The following MAN2A1 variants were observed in gnomAD, a reference collection of about 807,000 sequenced individuals.
MAN2A1 encodes the protein mannosidase alpha class 2A member 1, also known as alpha-mannosidase 2.
Under a neutral mutation model 142.6 loss-of-function variants are expected in MAN2A1, and 76 were observed. That is an observed-to-expected ratio of 0.53 (90% CI 0.44 to 0.65). The LOEUF (loss-of-function observed/expected upper bound fraction) is 0.65. Among genes scored for constraint, MAN2A1 ranks in the 30% least tolerant of loss-of-function variants. MAN2A1 has a pLI of 0.00. For missense variants in MAN2A1, 1,311 were observed against 1,365.1 expected, an observed-to-expected ratio of 0.96 and a Z score of 0.62; for synonymous variants, 559 against 473.2, an observed-to-expected ratio of 1.18 and a Z score of -2.35.
At chr5:109,860,309 A>T (rs1755723283) in intron 20 of MAN2A1, among the ~76,000 whole-genome samples, 1 of 152,194 alleles carries the variant, frequency 6.6e-6, no homozygotes, top group Non-Finnish European at 1.5e-5. Flanking sequence ...GGACATTTTA[A>T]TGAGCACCCT....
At chr5:109,785,321 T>C (rs138913381) in intron 10 of MAN2A1, among the ~76,000 whole-genome samples, 254 of 152,144 alleles carry the variant, frequency 1.7e-3, no homozygotes, top group Admixed American at 2.8e-3. Context: ...AATCTCATCC[T>C]ATTTCATATC....
intron 3 of MAN2A1, among the ~76,000 whole-genome samples, chr5:109,727,804 G>A (rs1561480813): frequency 6.6e-6 from 1 of 152,108 alleles, no homozygotes; most frequent in Non-Finnish European, 1.5e-5. Context: ...GGACTTTCTG[G>A]GCTATTCCCT....
chr5:109,748,371 T>C (rs1479578063), intron 4 of MAN2A1, among the ~76,000 whole-genome samples: 1 of 151,938 alleles, frequency 6.6e-6, no homozygotes, highest in Non-Finnish European at 1.5e-5. Flanking sequence ...GAGCCAGTTA[T>C]TTCTGAAATA....
At chr5:109,777,583 C>G (rs1402731172) in intron 8 of MAN2A1, among the ~76,000 whole-genome samples, 1 of 151,952 alleles carries the variant, frequency 6.6e-6, no homozygotes, top group Admixed American at 6.6e-5. Flanking sequence ...TCAAATATAA[C>G]TATTTTTCTT....
At chr5:109,746,406 A>G in intron 4 of MAN2A1, among the ~76,000 whole-genome samples, 1 of 152,166 alleles carries the variant, frequency 6.6e-6, no homozygotes, top group East Asian at 1.9e-4. Flanking sequence ...AAAGTAAGGT[A>G]CTCAGCCACT....
chr5:109,848,043 TA>T (rs1391376239), intron 19 of MAN2A1, among the ~76,000 whole-genome samples: 2 of 152,172 alleles, frequency 1.3e-5, no homozygotes, highest in Admixed American at 6.6e-5. Context: ...TCACTTTGGG[TA>T]AATATTCCTG....
rs562999969 is a variant in MAN2A1 at position 109,763,595 on chromosome 5, T to C, written c.836-3940T>C. Reference sequence around the variant, plus strand: ...CAGGTTAGTTACATATGTATACATGTGCCATGCTGGTGTGCTGCACCCATG... The same window carrying C: ...CAGGTTAGTTACATATGTATACATGCGCCATGCTGGTGTGCTGCACCCATG... On this transcript the variant is annotated intron_variant, in intron 5 of 21. Coordinates refer to ENST00000261483, the MANE Select transcript of MAN2A1 (RefSeq NM_002372.4). Among the ~76,000 whole-genome samples the C allele has an allele frequency of 5.1e-4, 77 of 152,164 alleles. No homozygotes were observed. The Middle Eastern group carries it at 0.01, about 20-fold the overall frequency.
chr5:109,743,212 A>G (rs17162129), intron 4 of MAN2A1, among the ~76,000 whole-genome samples: 8,286 of 152,008 alleles, frequency 0.055, 232 homozygotes, highest in Non-Finnish European at 0.065. Context: ...TACTTCCCCA[A>G]TGTTCCTGTT....
intron 4 of MAN2A1, among the ~76,000 whole-genome samples, chr5:109,742,708 T>TA (rs1431481989): frequency 3.3e-5 from 5 of 152,226 alleles, no homozygotes; most frequent in South Asian, 2.1e-4. Flanking sequence ...AATGGGAAGT[T>TA]ACAGTGTGTC....
chr5:109,849,413 A>G (rs1280568629), intron 19 of MAN2A1, among the ~76,000 whole-genome samples: 1 of 151,974 alleles, frequency 6.6e-6, no homozygotes, highest in Non-Finnish European at 1.5e-5. Flanking sequence ...TTCTCTCCCA[A>G]ACCTGGCCCA....
intron 15 of MAN2A1, among the ~76,000 whole-genome samples, chr5:109,822,365 C>T (rs906854122): frequency 6.6e-6 from 1 of 151,794 alleles, no homozygotes; most frequent in South Asian, 2.1e-4. Context: ...GAATTTCATG[C>T]GTAGATACCA....
chr5:109,725,637 G>A (rs558572827), intron 3 of MAN2A1, among the ~76,000 whole-genome samples: 1 of 152,264 alleles, frequency 6.6e-6, no homozygotes, highest in South Asian at 2.1e-4. Flanking sequence ...AGAATAGGGA[G>A]GTCCTTCTAG....
In MAN2A1 at chr5:109,804,354, A is replaced by T. The variant is rs558021261; in HGVS notation, c.1944-12919A>T. 6.8e-6 allele frequency: 6 copies of T among 888,218 alleles called. 1 individual carries two copies. The South Asian group carries it at 3.1e-4, about 46-fold the overall frequency. The allele number at this position is 888,218 out of a possible 1,614,324, so 55.0% of individuals were successfully genotyped here. On this transcript the variant is annotated intron_variant, in intron 12 of 21. Transcript: ENST00000261483. ...TTCAGAGAGTAGCGCTTTTTTTAAA[A>T]TTTTTATTTTTTTTAGGCAAGACAA...
chr5:109,716,119 G>A lies in MAN2A1; in HGVS notation c.391-1G>A. ...TAATTTTTTTTCTTTTACATTTTTA[G>A]ATGTTGGATGTTTACAGTCTAATTT... On this transcript the variant is annotated splice_acceptor_variant, in intron 2 of 21. Coordinates refer to ENST00000261483, the MANE Select transcript of MAN2A1 (RefSeq NM_002372.4). LOFTEE classifies it high-confidence loss of function. The A allele has an allele frequency of 6.3e-7, 1 of 1,581,738 alleles. No individual in the cohort carries two copies. Among genetic ancestry groups the A allele is most frequent in the Non-Finnish European group, 8.6e-7 (1 of 1,165,952 alleles).
In MAN2A1 at chr5:109,828,774, C is replaced by G. The variant is rs146893355; in HGVS notation, c.2566+4937C>G. Among the ~76,000 whole-genome samples the G allele has an allele frequency of 5.0e-3, 766 of 152,272 alleles. 8 individuals are homozygous for G. The highest frequency in any genetic ancestry group is 0.017 in the African/African-American group (726 of 41,532). On this transcript the variant is annotated intron_variant, in intron 16 of 21. Transcript: ENST00000261483. ...AAAGTATTATATGTAATGGATCTTACTCAAAGAAAACAAGCAGCCTGGAGG... is the reference window on the plus strand; with the variant it reads ...AAAGTATTATATGTAATGGATCTTAGTCAAAGAAAACAAGCAGCCTGGAGG...
chr5:109,726,895 G>T (rs1176069305), intron 3 of MAN2A1, among the ~76,000 whole-genome samples: 1 of 152,000 alleles, frequency 6.6e-6, no homozygotes, highest in Admixed American at 6.6e-5. Context: ...TTTAAATTTA[G>T]GTAAAAGATA....
At chr5:109,731,362 T>TTTA (rs748444692) in intron 4 of MAN2A1, among the ~76,000 whole-genome samples, 1 of 118,772 alleles carries the variant, frequency 8.4e-6, no homozygotes, top group East Asian at 2.2e-4. Context: ...GTTTCTTTTT[T>TTTA]TTATTATTAT....
At position 109,717,172 on chromosome 5, in the gene MAN2A1, C is replaced by T. The variant is rs1235859148; in HGVS notation, c.535+908C>T. 3.9e-5 allele frequency among the ~76,000 whole-genome samples: 6 copies of T among 152,196 alleles called. No homozygotes were observed. The East Asian group carries it at 1.2e-3, about 29-fold the overall frequency. Reference sequence around the variant, plus strand: ...GATTTCATGATTACTGTCAGAAGCACTGGTAACCTAATAATTTGAAGGTTT... The same window carrying T: ...GATTTCATGATTACTGTCAGAAGCATTGGTAACCTAATAATTTGAAGGTTT... On this transcript the variant is annotated intron_variant, in intron 3 of 21. Coordinates refer to ENST00000261483, the MANE Select transcript of MAN2A1 (RefSeq NM_002372.4).
intron 8 of MAN2A1, 65 bp downstream of exon 8, chr5:109,775,030 A>T: frequency 9.0e-7 from 1 of 1,109,030 alleles, no homozygotes; most frequent in Non-Finnish European, 1.3e-6. Context: ...TGAGACTATA[A>T]ACAGAAATCC....
Sources: allele counts gnomAD v4.1 joint callset (sites outside exome capture counted in the v4.1 genomes callset), GRCh38; gene constraint gnomAD v4.1.1; transcripts MANE v1.5; gene names NCBI Gene and HGNC (gene_info 2026-07-23, HGNC 2026-07-21).